BCAS3: variants seen among roughly 807,000 people sequenced by gnomAD.
BCAS3 encodes BCAS3 microtubule associated cell migration factor, also known as BCAS4/BCAS3 fusion.
BCAS3 carries 53 observed loss-of-function variants against 116.1 expected under a neutral mutation model. The ratio of observed to expected loss-of-function variants is 0.46; its 90% CI spans 0.37 to 0.57. The LOEUF (loss-of-function observed/expected upper bound fraction) is 0.57. Ranked by LOEUF, BCAS3 falls within the 20% of genes least tolerant of loss-of-function variation. The pLI, the probability that BCAS3 is intolerant of heterozygous loss-of-function variation, is 0.00. For missense variants in BCAS3, 917 were observed against 1,165.4 expected (o/e 0.79, Z 3.10); for synonymous variants, 391 against 408.2 (o/e 0.96, Z 0.51).
chr17:60,784,534 A>G lies in BCAS3; in HGVS notation c.404-23470A>G, dbSNP rs192407947. ...TAGCCAGGATGGTCTCGATCTCTTG[A>G]CTTTGTAATCTGCTCACCTCAGCCT... On this transcript the variant is annotated intron_variant, in intron 6 of 23. Coordinates refer to ENST00000407086, the MANE Select transcript of BCAS3 (RefSeq NM_017679.5). 2.8e-3 allele frequency among the ~76,000 whole-genome samples: 429 copies of G among 150,978 alleles called. 13 individuals are homozygous for G. The highest frequency in any genetic ancestry group is 0.027 in the Admixed American group (411 of 15,128).
At chr17:61,070,609 A>C (rs1022019324) in intron 19 of BCAS3, among the ~76,000 whole-genome samples, 2 of 151,862 alleles carry the variant, frequency 1.3e-5, no homozygotes, top group Admixed American at 1.3e-4. Flanking sequence ...ATGCTATATA[A>C]AAAGAGCAAA....
chr17:60,759,362 T>C (rs1370583857), intron 6 of BCAS3, among the ~76,000 whole-genome samples: 3 of 152,220 alleles, frequency 2.0e-5, no homozygotes, highest in African/African-American at 7.2e-5. Context: ...TTGGATAGAA[T>C]GTTCTATACG....
chr17:60,836,090 CT>C (rs2051348970), intron 7 of BCAS3, among the ~76,000 whole-genome samples: 2 of 152,108 alleles, frequency 1.3e-5, no homozygotes, highest in African/African-American at 4.8e-5. Context: ...TCCCACATAT[CT>C]CCTGCCCGCA....
chr17:60,864,716 G>A (rs1364826612), intron 7 of BCAS3, among the ~76,000 whole-genome samples: 1 of 152,108 alleles, frequency 6.6e-6, no homozygotes, highest in African/African-American at 2.4e-5. Context: ...TAAGAGGTCT[G>A]GTTTTCTGCC....
intron 12 of BCAS3, among the ~76,000 whole-genome samples, chr17:60,917,595 A>G (rs1308365778): frequency 2.0e-5 from 3 of 146,348 alleles, no homozygotes; most frequent in Admixed American, 2.0e-4. Flanking sequence ...CCTTTTGCCA[A>G]TTTTTTTTTT....
rs116729704 is a variant in BCAS3 at position 61,276,645 on chromosome 17, A to G, written c.2426-91682A>G. The stretch of plus-strand genomic sequence containing the variant: ...TACAGATTCAACACAATCTCTATCA[A>G]AATGATCTCTATCAAAATCTCTATC... On this transcript the variant is annotated intron_variant, in intron 22 of 23. Transcript: ENST00000407086. The surrounding 1 kb of genome is among the most constrained non-coding windows in gnomAD (Gnocchi z 4.2). 0.022 allele frequency among the ~76,000 whole-genome samples: 3,378 copies of G among 152,292 alleles called. 132 individuals carry two copies. The highest frequency in any genetic ancestry group is 0.076 in the African/African-American group (3,153 of 41,552).
chr17:61,346,965 G>A lies in BCAS3; in HGVS notation c.2426-21362G>A, dbSNP rs12937735. On this transcript the variant is annotated intron_variant, in intron 22 of 23. Coordinates refer to ENST00000407086, the MANE Select transcript of BCAS3 (RefSeq NM_017679.5). This position sits in a 1 kb window ranked among gnomAD's most constrained non-coding sequence, Gnocchi z 5.4. ...TTGGCACCTCTTCTCATGTTGGTCT[G>A]AAATATGCCAGATCACTGACCTCTC... Among the ~76,000 whole-genome samples, 62,247 of 152,090 alleles carry A rather than the reference G, an allele frequency of 0.41. 14,954 individuals are homozygous for A. Among genetic ancestry groups the A allele is most frequent in the Non-Finnish European group, 0.54 (36,715 of 67,906 alleles).
At position 61,346,555 on chromosome 17, in the gene BCAS3, A is replaced by G. The variant is rs2057516709; in HGVS notation, c.2426-21772A>G. Among the ~76,000 whole-genome samples the G allele has an allele frequency of 1.3e-5, 2 of 152,280 alleles. No individual in the cohort carries two copies. Among genetic ancestry groups the G allele is most frequent in the South Asian group, 4.1e-4 (2 of 4,828 alleles). On this transcript the variant is annotated intron_variant, in intron 22 of 23. Transcript: ENST00000407086. This position sits in a 1 kb window ranked among gnomAD's most constrained non-coding sequence, Gnocchi z 5.4. ...TGCTGAGCATGTTCATTGAAGTCTT[A>G]CTATTTTTAGTATTCCCATTTTATA...
rs147430363 is a variant in BCAS3, at chr17:61,056,846, C to T, written c.2029+15954C>T. 0.011 allele frequency among the ~76,000 whole-genome samples: 1,710 copies of T among 152,332 alleles called. 32 individuals carry two copies. Among genetic ancestry groups the T allele is most frequent in the African/African-American group, 0.038 (1,563 of 41,566 alleles). Reference sequence around the variant, plus strand: ...TTGCATCCATGCACAGATTTTTTCTCTCCAGTTATGGAAAACCTCATAGTT... The same window carrying T: ...TTGCATCCATGCACAGATTTTTTCTTTCCAGTTATGGAAAACCTCATAGTT... On this transcript the variant is annotated intron_variant, in intron 19 of 23. Coordinates refer to ENST00000407086, the MANE Select transcript of BCAS3 (RefSeq NM_017679.5). This position sits in a 1 kb window ranked among gnomAD's most constrained non-coding sequence, Gnocchi z 4.9.
rs552360626 is a variant in BCAS3 at position 60,995,476 on chromosome 17, T to C, written c.1486+5241T>C. 1.5e-3 allele frequency among the ~76,000 whole-genome samples: 226 copies of C among 152,104 alleles called. No homozygotes were observed. Among genetic ancestry groups the C allele is most frequent in the Non-Finnish European group, 2.8e-3 (188 of 67,976 alleles). On this transcript the variant is annotated intron_variant, in intron 15 of 23. Transcript: ENST00000407086. This position sits in a 1 kb window ranked among gnomAD's most constrained non-coding sequence, Gnocchi z 4.7. ...CGCGCCCAGCCGAATTTTTGTATTT[T>C]AAGTAGAGACTGGGTTTCACAATGT...
intron 6 of BCAS3, among the ~76,000 whole-genome samples, chr17:60,788,655 T>A (rs2046490001): frequency 6.6e-6 from 1 of 152,292 alleles, no homozygotes; most frequent in Non-Finnish European, 1.5e-5. Flanking sequence ...GTGGGTTTGT[T>A]GATGGTGCCT....
At position 61,088,516 on chromosome 17, in the gene BCAS3, G is replaced by T. The variant is rs2073267920; in HGVS notation, c.2425+3952G>T. 2.0e-5 allele frequency among the ~76,000 whole-genome samples: 3 copies of T among 152,158 alleles called. No homozygotes were observed. Among genetic ancestry groups the T allele is most frequent in the Admixed American group, 6.5e-5 (1 of 15,278 alleles). On this transcript the variant is annotated intron_variant, in intron 22 of 23. Transcript: ENST00000407086. This position sits in a 1 kb window ranked among gnomAD's most constrained non-coding sequence, Gnocchi z 4.2. ...CTATTCTTTGTACCTTATAACCTGT[G>T]CCCTTCTTTTGATAAAGATGTAGGA...
In BCAS3 at chr17:61,128,265, C is replaced by G; in HGVS notation, c.2425+43701C>G. The stretch of plus-strand genomic sequence containing the variant: ...TGAGGACAGCCTAGGCCGTGTTAGG[C>G]TTTGACTTAAATCAGATTTCATCTA... On this transcript the variant is annotated intron_variant, in intron 22 of 23. Transcript: ENST00000407086. The surrounding 1 kb of genome is among the most constrained non-coding windows in gnomAD (Gnocchi z 4.1). The G allele has an allele frequency of 2.0e-6, 2 of 985,406 alleles. No homozygotes were observed. The highest frequency in any genetic ancestry group is 2.4e-6 in the Non-Finnish European group (2 of 829,924). 61.0% of individuals were successfully genotyped at this position (985,406 alleles called of 1,614,324 possible).
At chr17:61,358,880 G>A (rs1262902988) in intron 22 of BCAS3, among the ~76,000 whole-genome samples, 2 of 152,054 alleles carry the variant, frequency 1.3e-5, no homozygotes, top group East Asian at 3.9e-4. Context: ...ATCTCATTCC[G>A]TTCTTACGCG....
intron 22 of BCAS3, among the ~76,000 whole-genome samples, chr17:61,306,902 T>C: frequency 6.6e-6 from 1 of 152,238 alleles, no homozygotes; most frequent in East Asian, 1.9e-4. Flanking sequence ...AATAGAACTT[T>C]GGATTTTTCC....
In BCAS3 at chr17:61,173,594, A is replaced by T. The variant is rs373764068; in HGVS notation, c.2425+89030A>T. Among the ~76,000 whole-genome samples the T allele has an allele frequency of 3.9e-5, 6 of 152,306 alleles. No individual in the cohort carries two copies. The East Asian group carries it at 9.6e-4, about 24-fold the overall frequency. On this transcript the variant is annotated intron_variant, in intron 22 of 23. Transcript: ENST00000407086. ...AAAAAGGTCTCAAATCAGTGGCCTC[A>T]CCTCTCATCTTAAAAAAACTATATA... is the stretch of plus-strand genomic sequence containing the variant.
chr17:60,865,978 A>G (rs951355126), intron 7 of BCAS3, among the ~76,000 whole-genome samples: 7 of 152,130 alleles, frequency 4.6e-5, no homozygotes, highest in African/African-American at 1.4e-4. Context: ...TAAAAATGCC[A>G]TATCTGCATC....
chr17:61,329,551 C>G (rs1174333341), intron 22 of BCAS3, among the ~76,000 whole-genome samples: 1 of 151,834 alleles, frequency 6.6e-6, no homozygotes, highest in African/African-American at 2.4e-5. Flanking sequence ...CCGTGTTAGC[C>G]AGGATGGTCT....
intron 22 of BCAS3, among the ~76,000 whole-genome samples, chr17:61,201,316 G>A (rs528590929): frequency 6.6e-6 from 1 of 152,300 alleles, no homozygotes; most frequent in South Asian, 2.1e-4. Flanking sequence ...GTTTATGTGT[G>A]TATTTGTTGT....
Sources: allele counts gnomAD v4.1 joint callset (sites outside exome capture counted in the v4.1 genomes callset), GRCh38; gene constraint gnomAD v4.1.1; non-coding constraint Gnocchi (gnomAD v3.1); transcripts MANE v1.5; gene names NCBI Gene and HGNC (gene_info 2026-07-23, HGNC 2026-07-21).